The following ATP2B2 variants were observed in gnomAD, a reference collection of about 807,000 sequenced individuals.
ATP2B2 encodes the protein ATPase plasma membrane Ca2+ transporting 2.
Under a neutral mutation model 120.0 loss-of-function variants are expected in ATP2B2, and 15 were observed. That is an observed-to-expected ratio of 0.12 (90% CI 0.08 to 0.19). ATP2B2 has a LOEUF of 0.19. ATP2B2 is among the 10% of genes least tolerant of loss of function. ATP2B2 has a pLI of 1.00. For synonymous variants in ATP2B2, 694 were observed against 700.3 expected, an observed-to-expected ratio of 0.99 and a Z score of 0.14; for missense variants, 1,045 against 1,719.8, an observed-to-expected ratio of 0.61 and a Z score of 6.94.
At position 10,404,079 on chromosome 3, in the gene ATP2B2, G is replaced by T. The variant is rs181005063; in HGVS notation, c.398-1731C>A. 5.0e-4 allele frequency among the ~76,000 whole-genome samples: 76 copies of T among 152,362 alleles called. 2 individuals carry two copies. The highest frequency in any genetic ancestry group is 1.7e-3 in the South Asian group (8 of 4,828). ...GAATGTTTATGGGCATTGGGCTCCT[G>T]GAAGGGTGGGGCCCAAGCCTGGGGA... is the stretch of plus-strand genomic sequence containing the variant. On this transcript the variant is annotated intron_variant, in intron 3 of 22. Coordinates refer to ENST00000360273, the MANE Select transcript of ATP2B2 (RefSeq NM_001001331.4).
At chr3:10,696,396 C>G (rs1010343366) in intron 1 of ATP2B2, among the ~76,000 whole-genome samples, 3 of 149,994 alleles carry the variant, frequency 2.0e-5, no homozygotes, top group Admixed American at 2.0e-4. Flanking sequence ...GCGATTGATT[C>G]CTCTCTCTCT....
At chr3:10,679,211 T>A (rs916819931) in intron 1 of ATP2B2, among the ~76,000 whole-genome samples, 1 of 152,216 alleles carries the variant, frequency 6.6e-6, no homozygotes, top group Non-Finnish European at 1.5e-5. Context: ...TTGCCTGCAC[T>A]ATGGTGTATG....
intron 2 of ATP2B2, among the ~76,000 whole-genome samples, chr3:10,442,033 A>G (rs962197514): frequency 1.2e-4 from 18 of 152,174 alleles, no homozygotes; most frequent in Non-Finnish European, 2.2e-4. Flanking sequence ...AGTAAGAATC[A>G]GGGCCCCCTT....
In ATP2B2 at chr3:10,325,271, T is replaced by C. The variant is rs1307075750; in HGVS notation, c.*3543A>G. 1.3e-5 allele frequency: 2 copies of C among 152,084 alleles called. No homozygotes were observed. Among genetic ancestry groups the C allele is most frequent in the Non-Finnish European group, 2.9e-5 (2 of 68,016 alleles). 9.4% of individuals were successfully genotyped at this position (152,084 alleles called of 1,614,324 possible). ...TTTAAAGTTTATGTGGAAGAATAGATGTGAGAGAATAACTAGGAAATTTTG... is the reference window on the plus strand; with the variant it reads ...TTTAAAGTTTATGTGGAAGAATAGACGTGAGAGAATAACTAGGAAATTTTG... On this transcript the variant is annotated 3_prime_UTR_variant, in exon 23 of 23. Coordinates refer to ENST00000360273, the MANE Select transcript of ATP2B2 (RefSeq NM_001001331.4).
chr3:10,569,261 C>G lies in ATP2B2; in HGVS notation c.-414-35128G>C, dbSNP rs149141460. ...GCACCTACTGTATTCAAGACACTATCCTGGCTACGCAGGTGATATATTTTA... is the reference window on the plus strand; with the variant it reads ...GCACCTACTGTATTCAAGACACTATGCTGGCTACGCAGGTGATATATTTTA... On this transcript the variant is annotated intron_variant, in intron 2 of 21. Coordinates refer to the ATP2B2 transcript ENST00000646379. 1.3e-3 allele frequency among the ~76,000 whole-genome samples: 192 copies of G among 152,312 alleles called. 1 individual carries two copies. The highest frequency in any genetic ancestry group is 4.3e-3 in the African/African-American group (178 of 41,568).
chr3:10,639,886 C>T (rs1198279197), intron 1 of ATP2B2, among the ~76,000 whole-genome samples: 2 of 152,230 alleles, frequency 1.3e-5, no homozygotes, highest in African/African-American at 4.8e-5. Context: ...CAGAAGTGCT[C>T]AGGGGTGCAG....
chr3:10,491,386 C>T (rs567223707), intron 1 of ATP2B2, among the ~76,000 whole-genome samples: 22 of 152,160 alleles, frequency 1.4e-4, no homozygotes, highest in African/African-American at 4.3e-4. Context: ...CCACCATGCC[C>T]GGCTAATTTT....
At chr3:10,435,505 C>G (rs577561252) in intron 2 of ATP2B2, among the ~76,000 whole-genome samples, 8 of 152,224 alleles carry the variant, frequency 5.3e-5, no homozygotes, top group African/African-American at 1.2e-4. Flanking sequence ...TCTCCAGTAT[C>G]TGGGCCACTC....
At position 10,468,750 on chromosome 3, in the gene ATP2B2, C is replaced by T. The variant is rs138688903; in HGVS notation, c.-319-18888G>A. On this transcript the variant is annotated intron_variant, in intron 1 of 22. Coordinates refer to ENST00000360273, the MANE Select transcript of ATP2B2 (RefSeq NM_001001331.4). ...GGCGCTGAAGGAGTGAAATGAAAGG[C>T]AGGTCTCGTCTTGGGTTCCTATCAG... Among the ~76,000 whole-genome samples, 1,125 of 152,328 alleles carry T rather than the reference C, an allele frequency of 7.4e-3. 10 individuals carry two copies. The highest frequency in any genetic ancestry group is 0.018 in the South Asian group (86 of 4,824).
chr3:10,354,434 G>T (rs1024794154), intron 14 of ATP2B2, among the ~76,000 whole-genome samples: 1 of 152,152 alleles, frequency 6.6e-6, no homozygotes, highest in African/African-American at 2.4e-5. Flanking sequence ...TCTCACTGAG[G>T]GAAAGCAGCC....
At chr3:10,556,265 T>C (rs1389237433) in intron 2 of ATP2B2, among the ~76,000 whole-genome samples, 1 of 152,208 alleles carries the variant, frequency 6.6e-6, no homozygotes, top group East Asian at 1.9e-4. Context: ...GGGATATGTC[T>C]GATTTGTCTA....
chr3:10,531,021 T>A (rs1001440592), intron 3 of ATP2B2, among the ~76,000 whole-genome samples: 2 of 152,226 alleles, frequency 1.3e-5, no homozygotes, highest in Non-Finnish European at 2.9e-5. Context: ...CCTCTCTGGA[T>A]GTTCCTGCTG....
At chr3:10,337,017 CG>C (rs1250462086) in intron 22 of ATP2B2, among the ~76,000 whole-genome samples, 2 of 152,100 alleles carry the variant, frequency 1.3e-5, no homozygotes, top group African/African-American at 2.4e-5. Flanking sequence ...GGGGTGGCTG[CG>C]GGGCCCTAAC....
At chr3:10,396,832 G>C (rs560961665) in intron 5 of ATP2B2, among the ~76,000 whole-genome samples, 34 of 152,140 alleles carry the variant, frequency 2.2e-4, no homozygotes, top group Admixed American at 1.8e-3. Flanking sequence ...AACCTCATGA[G>C]CTGGGGCTAT....
At chr3:10,430,396 T>G (rs983486634) in intron 2 of ATP2B2, among the ~76,000 whole-genome samples, 1 of 152,132 alleles carries the variant, frequency 6.6e-6, no homozygotes, top group African/African-American at 2.4e-5. Context: ...GAGGTGAAAA[T>G]ATCAACATGA....
chr3:10,637,010 G>A (rs2070039802), intron 1 of ATP2B2, among the ~76,000 whole-genome samples: 1 of 152,224 alleles, frequency 6.6e-6, no homozygotes, highest in African/African-American at 2.4e-5. Flanking sequence ...AGTGCCTATT[G>A]CCATTAGCCA....
intron 1 of ATP2B2, among the ~76,000 whole-genome samples, chr3:10,483,474 A>G (rs1197647567): frequency 2.0e-5 from 3 of 152,236 alleles, no homozygotes; most frequent in Non-Finnish European, 4.4e-5. Context: ...CACTGAGAGC[A>G]GAAGGCAATC....
chr3:10,467,102 TAA>T (rs2064778453), intron 1 of ATP2B2, among the ~76,000 whole-genome samples: 1 of 152,238 alleles, frequency 6.6e-6, no homozygotes, highest in African/African-American at 2.4e-5. Context: ...TGACTTGTGA[TAA>T]GTCTTTGACA....
In ATP2B2 at chr3:10,342,835, G is replaced by A. The variant is rs1179707919; in HGVS notation, c.2834C>T (p.Pro945Leu). The change falls in exon 19 of 23, where the codon CCG (proline) becomes CTG (leucine). Residue 945 changes from proline to leucine, a missense_variant. Around this residue, in one of 11 missense-constraint regions of ATP2B2, gnomAD observed 98 missense variants for 266.7 expected, o/e 0.37. Transcript: ENST00000360273. The surrounding 1 kb of genome is among the most constrained non-coding windows in gnomAD (Gnocchi z 4.4). Reference protein sequence around the residue: ...LLRKPYGRNKPLISRTMMKNI... With the variant: ...LLRKPYGRNKLLISRTMMKNI... The stretch of plus-strand genomic sequence containing the variant: ...CTTCATCATGGTCCTGGAGATGAGC[G>A]GCTTGTTGCGGCCGTACGGCTTCCT... The A allele has an allele frequency of 6.2e-6, 10 of 1,613,862 alleles. No individual in the cohort carries two copies. The highest frequency in any genetic ancestry group is 1.7e-5 in the Admixed American group (1 of 60,000).
Sources: gnomAD v4.1 joint callset for allele counts (sites outside exome capture counted in the v4.1 genomes callset) on GRCh38, gnomAD v4.1.1 for gene constraint, gnomAD v4.1.1 regional missense constraint, Gnocchi (gnomAD v3.1) non-coding constraint, MANE v1.5 for transcripts, NCBI Gene and HGNC (gene_info 2026-07-23, HGNC 2026-07-21) for gene names.